The following RIMS1 variants were observed in gnomAD, a reference collection of about 807,000 sequenced individuals.
The protein encoded by RIMS1 is regulating synaptic membrane exocytosis 1.
Under a neutral mutation model 214.1 loss-of-function variants are expected in RIMS1, and 83 were observed. The observed-to-expected ratio is 0.39, with a 90% CI of 0.32 to 0.47. The LOEUF (loss-of-function observed/expected upper bound fraction) is 0.47, where lower values mean the gene tolerates loss of function less well. Among genes scored for constraint, RIMS1 ranks in the 20% least tolerant of loss-of-function variants. The pLI, the probability that RIMS1 is intolerant of heterozygous loss-of-function variation, is 0.99. For synonymous variants in RIMS1, 793 were observed against 786.8 expected (o/e 1.01, Z -0.13); for missense variants, 2,050 against 2,161.8 (o/e 0.95, Z 1.03).
At chr6:72,007,689 G>T (rs1448403486) in intron 2 of RIMS1, among the ~76,000 whole-genome samples, 1 of 152,222 alleles carries the variant, frequency 6.6e-6, no homozygotes, top group African/African-American at 2.4e-5. Context: ...ACAAGCTTCA[G>T]TAGCTGATTT....
chr6:72,004,586 A>G (rs111516431), intron 2 of RIMS1, among the ~76,000 whole-genome samples: 17,311 of 151,784 alleles, frequency 0.11, 1,157 homozygotes, highest in South Asian at 0.17. Flanking sequence ...ATGGTATCTC[A>G]TTGTGGTTTT....
At chr6:72,363,947 C>G (rs773295483) in intron 29 of RIMS1, among the ~76,000 whole-genome samples, 1 of 152,158 alleles carries the variant, frequency 6.6e-6, no homozygotes, top group Non-Finnish European at 1.5e-5. Flanking sequence ...CACAGCTTCC[C>G]GTTCCTGTGG....
chr6:72,235,790 G>GCCAGAAACTCCAAT, intron 8 of RIMS1, 62 bp downstream of exon 8: 1 of 724,524 alleles, frequency 1.4e-6, no homozygotes, highest in Non-Finnish European at 2.1e-6. Context: ...TGCATTCATC[G>GCCAGAAACTCCAAT]GAGTTTCTGG....
At chr6:72,080,486 A>G (rs982406922) in intron 2 of RIMS1, among the ~76,000 whole-genome samples, 11 of 152,112 alleles carry the variant, frequency 7.2e-5, no homozygotes, top group Non-Finnish European at 1.3e-4. Context: ...GCTGTCTTCT[A>G]TTACAAACAT....
intron 4 of RIMS1, among the ~76,000 whole-genome samples, chr6:72,176,861 T>G (rs1221869692): frequency 6.6e-6 from 1 of 152,226 alleles, no homozygotes; most frequent in Non-Finnish European, 1.5e-5. Context: ...GGAAATGAAA[T>G]TAAATTGTAA....
At chr6:72,333,516 T>C (rs1040858494) in intron 28 of RIMS1, 84 bp from the exon 29 acceptor site, 6 of 1,138,516 alleles carry the variant, frequency 5.3e-6, no homozygotes, top group Admixed American at 4.2e-5. Context: ...GTCTGGATTA[T>C]TTCAAAATAA....
At chr6:72,123,185 T>C (rs528109933) in intron 4 of RIMS1, among the ~76,000 whole-genome samples, 5 of 152,036 alleles carry the variant, frequency 3.3e-5, no homozygotes, top group African/African-American at 1.2e-4. Flanking sequence ...TTGTTCTCGT[T>C]GGTTTCAAAG....
At chr6:72,171,830 G>C (rs1384909683) in intron 4 of RIMS1, among the ~76,000 whole-genome samples, 3 of 152,072 alleles carry the variant, frequency 2.0e-5, no homozygotes, top group Non-Finnish European at 2.9e-5. Context: ...CCTAACTCTT[G>C]TTATACCTCA....
intron 2 of RIMS1, among the ~76,000 whole-genome samples, chr6:72,008,570 A>G (rs1808828100): frequency 6.6e-6 from 1 of 152,232 alleles, no homozygotes; most frequent in African/African-American, 2.4e-5. Flanking sequence ...TGCTCTATTC[A>G]GGAGACCCAT....
chr6:72,006,349 C>T (rs145896582), intron 2 of RIMS1, among the ~76,000 whole-genome samples: 12 of 152,284 alleles, frequency 7.9e-5, no homozygotes, highest in South Asian at 2.1e-4. Flanking sequence ...ACTTGGAGGG[C>T]GGTTCCAAGA....
At chr6:71,987,524 G>T (rs1446245462) in intron 2 of RIMS1, among the ~76,000 whole-genome samples, 1 of 152,038 alleles carries the variant, frequency 6.6e-6, no homozygotes, top group African/African-American at 2.4e-5. Context: ...CATCCCATTG[G>T]GTATTAGACT....
In RIMS1 at chr6:72,267,022, G is replaced by C. The variant is rs948121266; in HGVS notation, c.3398+973G>C. 4.6e-5 allele frequency among the ~76,000 whole-genome samples: 7 copies of C among 152,070 alleles called. No homozygotes were observed. In the East Asian group the frequency reaches 1.4e-3, roughly 29 times the overall value. ...TATTTATTTCTGGAATTGAACAATA[G>C]GTACACGTGTGTATATACCTTGTTT... On this transcript the variant is annotated intron_variant, in intron 22 of 33. Transcript: ENST00000521978.
intron 29 of RIMS1, among the ~76,000 whole-genome samples, chr6:72,343,242 G>A (rs564662588): frequency 6.6e-6 from 1 of 151,866 alleles, no homozygotes; most frequent in African/African-American, 2.4e-5. Context: ...GATTCTTTGA[G>A]AATATATTGC....
chr6:72,222,329 T>A (rs548135531), intron 6 of RIMS1, among the ~76,000 whole-genome samples: 1 of 152,198 alleles, frequency 6.6e-6, no homozygotes, highest in Admixed American at 6.5e-5. Context: ...GATTTAAGAA[T>A]CTTTAAAAGA....
intron 29 of RIMS1, among the ~76,000 whole-genome samples, chr6:72,352,348 A>G (rs2097482093): frequency 6.6e-6 from 1 of 152,182 alleles, no homozygotes; most frequent in South Asian, 2.1e-4. Flanking sequence ...TACCATTATT[A>G]TCATCATTTT....
At chr6:72,056,897 A>G (rs898039071) in intron 2 of RIMS1, among the ~76,000 whole-genome samples, 2 of 152,222 alleles carry the variant, frequency 1.3e-5, no homozygotes, top group Non-Finnish European at 2.9e-5. Flanking sequence ...CTAGATTCTA[A>G]AATAATTCTG....
chr6:72,245,674 G>T (rs2069161945), intron 10 of RIMS1, 141 bp from the exon 11 acceptor site: 1 of 576,342 alleles, frequency 1.7e-6, no homozygotes, highest in Admixed American at 3.1e-5. Context: ...CACATTAGTA[G>T]TTGCCTTAAT....
chr6:72,130,902 A>G (rs2040332583), intron 4 of RIMS1, among the ~76,000 whole-genome samples: 1 of 152,172 alleles, frequency 6.6e-6, no homozygotes, highest in Non-Finnish European at 1.5e-5. Context: ...ATTTATCAAA[A>G]AGCCTTGAGA....
intron 2 of RIMS1, among the ~76,000 whole-genome samples, chr6:71,983,472 AT>A (rs888314424): frequency 4.6e-5 from 7 of 151,500 alleles, no homozygotes; most frequent in Non-Finnish European, 7.4e-5. Flanking sequence ...CATAAACTTG[AT>A]TTTTTTTTCT....
Sources: gnomAD v4.1 joint callset for allele counts (sites outside exome capture counted in the v4.1 genomes callset) on GRCh38, gnomAD v4.1.1 for gene constraint, MANE v1.5 for transcripts, NCBI Gene and HGNC (gene_info 2026-07-23, HGNC 2026-07-21) for gene names.